The following HESX1 variants were observed in gnomAD, a reference collection of about 807,000 sequenced individuals.
HESX1 encodes the protein HESX homeobox 1.
Under a neutral mutation model 22.5 loss-of-function variants are expected in HESX1, and 11 were observed. The observed-to-expected ratio is 0.49, with a 90% CI of 0.31 to 0.81. The LOEUF is 0.81. Among genes scored for constraint, HESX1 ranks in the 30% least tolerant of loss-of-function variants. The pLI is 0.05. For missense variants in HESX1, 201 were observed against 212.6 expected (o/e 0.95, Z 0.34); for synonymous variants, 74 against 76.5 (o/e 0.97, Z 0.17).
At chr3:57,200,862 G>C (rs2060481728), upstream of HESX1, among the ~76,000 whole-genome samples, 1 of 152,178 alleles carries the variant, frequency 6.6e-6, no homozygotes, top group Admixed American at 6.5e-5. Context: ...TTTCAAGATG[G>C]TAAGGCTTAT....
chr3:57,208,306 A>G (rs1396568065), intron 1 of HESX1, among the ~76,000 whole-genome samples: 1 of 152,090 alleles, frequency 6.6e-6, no homozygotes, highest in African/African-American at 2.4e-5. Context: ...AATGTTATGT[A>G]TGCTAAAGAG....
intron 1 of HESX1, among the ~76,000 whole-genome samples, chr3:57,206,942 T>C (rs909891458): frequency 2.0e-5 from 3 of 151,982 alleles, no homozygotes; most frequent in Non-Finnish European, 4.4e-5. Context: ...ATTCTATCCT[T>C]CCTCAGTAGC....
intron 1 of HESX1, among the ~76,000 whole-genome samples, chr3:57,208,803 A>G (rs1460234649): frequency 6.6e-6 from 1 of 151,828 alleles, no homozygotes; most frequent in Non-Finnish European, 1.5e-5. Context: ...TCTACTAAAA[A>G]TACAAAAATT....
At chr3:57,220,935 A>G (rs1313404260) in intron 1 of HESX1, among the ~76,000 whole-genome samples, 1 of 151,880 alleles carries the variant, frequency 6.6e-6, no homozygotes, top group African/African-American at 2.4e-5. Flanking sequence ...TTCTCCTGTC[A>G]TCTTGGGCTC....
At chr3:57,201,356 C>T (rs1032183575), upstream of HESX1, among the ~76,000 whole-genome samples, 1 of 152,006 alleles carries the variant, frequency 6.6e-6, no homozygotes, top group African/African-American at 2.4e-5. Context: ...GTATATAGTG[C>T]TGAGATGTAG....
At chr3:57,211,357 G>A (rs986906790) in intron 1 of HESX1, among the ~76,000 whole-genome samples, 13 of 151,306 alleles carry the variant, frequency 8.6e-5, no homozygotes, top group Non-Finnish European at 2.9e-5. Context: ...GTGGGACCTC[G>A]TCTCTTCAAA....
chr3:57,202,210 C>T (rs1175265728), upstream of HESX1, among the ~76,000 whole-genome samples: 4 of 152,126 alleles, frequency 2.6e-5, no homozygotes, highest in Admixed American at 6.6e-5. Flanking sequence ...TCAGCCACCA[C>T]GCCCGGCTGG....
intron 1 of HESX1, among the ~76,000 whole-genome samples, chr3:57,209,231 A>T (rs2060537503): frequency 1.3e-5 from 2 of 152,348 alleles, no homozygotes; most frequent in African/African-American, 4.8e-5. Flanking sequence ...TTTAATTTAA[A>T]CTTGGACAGA....
Position 57,198,505 on chromosome 3 carries a change from A to C in HESX1, c.358-13T>G, listed in dbSNP as rs375723775. 2.1e-6 allele frequency: 3 copies of C among 1,462,640 alleles called. No individual in the cohort carries two copies. The highest frequency in any genetic ancestry group is 2.8e-5 in the African/African-American group (2 of 70,904). The allele number at this position is 1,462,640 out of a possible 1,614,324, so 90.6% of individuals were successfully genotyped here. On this transcript the variant is annotated splice_polypyrimidine_tract_variant and intron_variant, in intron 2 of 3. Transcript: ENST00000295934. ...CTAACACTTCAATCTAAGAAAAAAA[A>C]ATGTTGATATTCAGTATGTCTCCAA...
chr3:57,205,360 T>C (rs1186226840), intron 1 of HESX1, among the ~76,000 whole-genome samples: 4 of 152,046 alleles, frequency 2.6e-5, no homozygotes, highest in Non-Finnish European at 5.9e-5. Flanking sequence ...CTGTGAACTA[T>C]ACAACTGCAC....
At chr3:57,219,750 G>C (rs778122931) in intron 1 of HESX1, among the ~76,000 whole-genome samples, 1 of 152,184 alleles carries the variant, frequency 6.6e-6, no homozygotes, top group Non-Finnish European at 1.5e-5. Flanking sequence ...ACCTTTGTCA[G>C]ATGCATAGTT....
intron 1 of HESX1, among the ~76,000 whole-genome samples, chr3:57,226,038 C>T (rs1411790340): frequency 6.6e-6 from 1 of 151,920 alleles, no homozygotes; most frequent in Non-Finnish European, 1.5e-5. Context: ...CCACCACGCC[C>T]GGCTAATTTT....
intron 1 of HESX1, among the ~76,000 whole-genome samples, chr3:57,216,165 AAAT>A (rs1370199002): frequency 1.3e-5 from 2 of 152,224 alleles, no homozygotes; most frequent in African/African-American, 4.8e-5. Context: ...CTTCACAGTA[AAAT>A]AATCCAGTTC....
At chr3:57,226,017 C>T (rs1207242573) in intron 1 of HESX1, among the ~76,000 whole-genome samples, 3 of 151,478 alleles carry the variant, frequency 2.0e-5, no homozygotes, top group Non-Finnish European at 4.4e-5. Flanking sequence ...GTAGCTGGGA[C>T]TACAGGCACG....
chr3:57,226,215 CACTT>C (rs1429844739), intron 1 of HESX1: 3 of 151,952 alleles, frequency 2.0e-5, no homozygotes, highest in Admixed American at 6.6e-5. Flanking sequence ...TTACACTCCT[CACTT>C]ACTCCTGATT....
intron 1 of HESX1, among the ~76,000 whole-genome samples, chr3:57,225,542 C>G (rs1257228741): frequency 6.6e-6 from 1 of 152,168 alleles, no homozygotes; most frequent in South Asian, 2.1e-4. Context: ...CGGGGTTTCA[C>G]CAGTTGGCCA....
chr3:57,218,439 CTTTTTT>C (rs60734023), intron 1 of HESX1, among the ~76,000 whole-genome samples: 5 of 102,264 alleles, frequency 4.9e-5, no homozygotes, highest in African/African-American at 1.7e-4. Context: ...TGATCTCATT[CTTTTTT>C]TTTTTTTTTT....
chr3:57,202,438 C>T (rs964217799), upstream of HESX1, among the ~76,000 whole-genome samples: 1 of 152,074 alleles, frequency 6.6e-6, no homozygotes, highest in Admixed American at 6.6e-5. Flanking sequence ...TGGGTTCAAG[C>T]AGTTCTCCTG....
At chr3:57,224,487 T>A (rs867255779) in intron 1 of HESX1, among the ~76,000 whole-genome samples, 5 of 152,240 alleles carry the variant, frequency 3.3e-5, no homozygotes, top group African/African-American at 1.2e-4. Context: ...GAAAGGGAAA[T>A]GATCATTCTC....
Sources: allele counts gnomAD v4.1 joint callset (sites outside exome capture counted in the v4.1 genomes callset), GRCh38; gene constraint gnomAD v4.1.1; transcripts MANE v1.5; gene names NCBI Gene and HGNC (gene_info 2026-07-23, HGNC 2026-07-21).